DDR2: variants seen among roughly 807,000 people sequenced by gnomAD.
DDR2 encodes discoidin domain-containing receptor 2.
DDR2 carries 27 observed loss-of-function variants against 94.9 expected under a neutral mutation model. The observed-to-expected ratio is 0.28, with a 90% confidence interval of 0.21 to 0.39. The LOEUF is 0.39. DDR2 is among the 10% of genes least tolerant of loss of function. The pLI is 1.00. For synonymous variants in DDR2, 382 were observed against 377.2 expected (o/e 1.01, Z -0.15); for missense variants, 783 against 1,076.0 (o/e 0.73, Z 3.81).
intron 2 of DDR2, among the ~76,000 whole-genome samples, chr1:162,688,333 C>G (rs548885220): frequency 3.3e-5 from 5 of 152,340 alleles, no homozygotes; most frequent in African/African-American, 9.6e-5. Context: ...TGCTGCATGC[C>G]TGCTATTTTC....
At chr1:162,714,676 T>C (rs1661078570) in intron 2 of DDR2, among the ~76,000 whole-genome samples, 1 of 152,202 alleles carries the variant, frequency 6.6e-6, no homozygotes, top group African/African-American at 2.4e-5. Flanking sequence ...CATTACTCTA[T>C]TTTATTTTCT....
Position 162,755,766 on chromosome 1 carries a change from A to G in DDR2, c.668A>G (p.Tyr223Cys). 1 of 1,613,894 alleles carries G rather than the reference A, an allele frequency of 6.2e-7. No individual in the cohort carries two copies. Among genetic ancestry groups the G allele is most frequent in the South Asian group, 1.1e-5 (1 of 91,084 alleles). The change falls in exon 7 of 18, where the codon TAC becomes TGC. Residue 223 changes from tyrosine (Y) to cysteine (C), a missense_variant. Transcript: ENST00000367921. ...TCTGTCTATGATGGAGCTGTTGGATACAGGTAAATCCTGGGAAACTTTATT... is the reference window on the plus strand; with the variant it reads ...TCTGTCTATGATGGAGCTGTTGGATGCAGGTAAATCCTGGGAAACTTTATT... The part of the protein sequence containing the change: ...NDSVYDGAVG[Y>C]SMTEGLGQLT...
chr1:162,676,229 C>G (rs1659114153), intron 2 of DDR2, among the ~76,000 whole-genome samples: 1 of 151,988 alleles, frequency 6.6e-6, no homozygotes, highest in African/African-American at 2.4e-5. Context: ...TGCCTTACTC[C>G]TGGTCACATG....
At position 162,754,587 on chromosome 1, in the gene DDR2, T is replaced by C. The variant is rs768983442; in HGVS notation, c.186-37T>C. 5.0e-6 allele frequency: 8 copies of C among 1,602,740 alleles called. No individual in the cohort carries two copies. In the South Asian group the frequency reaches 8.8e-5, roughly 18 times the overall value. On this transcript the variant is annotated intron_variant, in intron 4 of 17. Transcript: ENST00000367921. ...ACCAGTAAACAGCTCTGTGGTTTCA[T>C]GGTTGCTCCCTCTCTCCCCAACCCT...
rs12062700 is a variant in DDR2, at chr1:162,687,777, T to C, written c.-27-31260T>C. Among the ~76,000 whole-genome samples the C allele has an allele frequency of 5.7e-3, 867 of 152,246 alleles. 10 individuals carry two copies. The highest frequency in any genetic ancestry group is 0.019 in the African/African-American group (786 of 41,556). On this transcript the variant is annotated intron_variant, in intron 2 of 17. Transcript: ENST00000367921. The stretch of plus-strand genomic sequence containing the variant: ...GCTGAATTTCAAGACACTGACATCA[T>C]CAGTACTGGCCCTAGTGCAGTTACA...
chr1:162,711,491 T>C (rs73024563), intron 2 of DDR2, among the ~76,000 whole-genome samples: 213 of 152,328 alleles, frequency 1.4e-3, no homozygotes, highest in African/African-American at 4.8e-3. Context: ...TAGTTCTGCT[T>C]CAGAGAAAAA....
In DDR2 at chr1:162,652,081, T is replaced by G. The variant is rs531063340; in HGVS notation, c.-191-3130T>G. 2.0e-5 allele frequency among the ~76,000 whole-genome samples: 3 copies of G among 152,342 alleles called. 1 individual carries two copies. In the South Asian group the frequency reaches 6.2e-4, roughly 32 times the overall value. ...CACTTTGGCATAAGACAGACTTGGTTTGGAATTCTGACTCTGCCCTTGTTG... is the reference window on the plus strand; with the variant it reads ...CACTTTGGCATAAGACAGACTTGGTGTGGAATTCTGACTCTGCCCTTGTTG... On this transcript the variant is annotated intron_variant, in intron 1 of 17. Transcript: ENST00000367921.
intron 12 of DDR2, 114 bp downstream of exon 12, chr1:162,770,626 C>A: frequency 9.7e-7 from 1 of 1,033,044 alleles, no homozygotes; most frequent in Non-Finnish European, 1.5e-6. Flanking sequence ...TGCTAACCTC[C>A]TGAGAAGTCC....
At chr1:162,645,071 A>C (rs1382756457) in intron 1 of DDR2, among the ~76,000 whole-genome samples, 2 of 152,170 alleles carry the variant, frequency 1.3e-5, no homozygotes, top group African/African-American at 4.8e-5. Flanking sequence ...CAAGGGCCTT[A>C]TGGAACAGGC....
chr1:162,770,380 C>T lies in DDR2; in HGVS notation c.1372C>T (p.Arg458Cys), dbSNP rs1193186486. 8.1e-6 allele frequency: 13 copies of T among 1,614,022 alleles called. No homozygotes were observed. Among genetic ancestry groups the T allele is most frequent in the Non-Finnish European group, 1.1e-5 (13 of 1,180,002 alleles). Residue 458 changes from arginine (R) to cysteine (C), a missense_variant, in exon 12 of 18, where the codon CGC (arginine) becomes TGC (cysteine). Physicochemically the swap from Arg to Cys is radical, Grantham distance 180 (BLOSUM62 -3). Around this residue, in one of 2 missense-constraint regions of DDR2, gnomAD observed 519 missense variants for 647.9 expected, o/e 0.80. Transcript: ENST00000367921. ...PSDSSMFNNNRSSSPSEQGSN... is the reference protein window; with the variant it reads ...PSDSSMFNNNCSSSPSEQGSN... Reference sequence around the variant, plus strand: ...TGATTCTAGCATGTTCAACAATAACCGCTCCTCATCACCTAGTGAACAAGG... The same window carrying T: ...TGATTCTAGCATGTTCAACAATAACTGCTCCTCATCACCTAGTGAACAAGG...
chr1:162,754,836 G>A lies in DDR2; in HGVS notation c.398G>A (p.Arg133Gln), dbSNP rs879065950. Reference sequence around the variant, plus strand: ...GATGGCACTCGCTGGATCTCTTGGCGGAACCGTCATGGGAAACAGGTAGGA... The same window carrying A: ...GATGGCACTCGCTGGATCTCTTGGCAGAACCGTCATGGGAAACAGGTAGGA... The part of the protein sequence containing the change: ...SRDGTRWISW[R>Q]NRHGKQVLDG... Residue 133 changes from arginine (R) to glutamine (Q), a missense_variant, in exon 5 of 18, where the codon CGG becomes CAG. Arg to Gln is a conservative substitution (Grantham distance 43, BLOSUM62 1). Around this residue, in one of 2 missense-constraint regions of DDR2, gnomAD observed 519 missense variants for 647.9 expected, o/e 0.80. Coordinates refer to ENST00000367921, the MANE Select transcript of DDR2 (RefSeq NM_006182.4). 16 of 1,613,904 alleles carry A rather than the reference G, an allele frequency of 9.9e-6. No homozygotes were observed. Among genetic ancestry groups the A allele is most frequent in the East Asian group, 6.7e-5 (3 of 44,872 alleles).
intron 2 of DDR2, among the ~76,000 whole-genome samples, chr1:162,670,190 G>A (rs1411204214): frequency 2.6e-5 from 4 of 152,030 alleles, no homozygotes; most frequent in African/African-American, 4.8e-5. Context: ...AGCTCACTGC[G>A]ACCTCTGCCT....
At chr1:162,728,348 G>A (rs1374929731) in intron 3 of DDR2, among the ~76,000 whole-genome samples, 1 of 151,680 alleles carries the variant, frequency 6.6e-6, no homozygotes, top group Non-Finnish European at 1.5e-5. Flanking sequence ...ATGAGAGTTA[G>A]CTGGAGCTGA....
intron 2 of DDR2, among the ~76,000 whole-genome samples, chr1:162,666,648 A>G (rs1039995908): frequency 2.6e-5 from 4 of 152,200 alleles, no homozygotes; most frequent in African/African-American, 9.6e-5. Context: ...CATCTGGCAC[A>G]TGGTTGCAGC....
Position 162,783,638 on chromosome 1 carries a change from G to T in DDR2, c.*3392G>T, listed in dbSNP as rs1057442. 6.6e-6 allele frequency: 1 copy of T among 152,178 alleles called. No homozygotes were observed. Among genetic ancestry groups the T allele is most frequent in the Non-Finnish European group, 1.5e-5 (1 of 68,038 alleles). 9.4% of individuals were successfully genotyped at this position (152,178 alleles called of 1,614,324 possible). ...TAAAAGATAAATATGGATGGAGAAA[G>T]AAGAAATTCTGGATGATAGAGATGA... is the stretch of plus-strand genomic sequence containing the variant. On this transcript the variant is annotated 3_prime_UTR_variant, in exon 18 of 18. Coordinates refer to ENST00000367921, the MANE Select transcript of DDR2 (RefSeq NM_006182.4).
intron 10 of DDR2, among the ~76,000 whole-genome samples, chr1:162,766,324 G>A (rs752809710): frequency 2.0e-5 from 3 of 152,162 alleles, no homozygotes; most frequent in Non-Finnish European, 4.4e-5. Context: ...TTGGGAATTT[G>A]GGGTCAGAAA....
intron 1 of DDR2, among the ~76,000 whole-genome samples, chr1:162,650,458 G>A (rs1657632298): frequency 6.6e-6 from 1 of 151,898 alleles, no homozygotes; most frequent in Admixed American, 6.6e-5. Context: ...TAGCAGGGTA[G>A]GGTGGTGCGC....
At chr1:162,674,094 A>G (rs1286650594) in intron 2 of DDR2, among the ~76,000 whole-genome samples, 2 of 152,168 alleles carry the variant, frequency 1.3e-5, no homozygotes, top group Non-Finnish European at 2.9e-5. Flanking sequence ...TTTACAGATA[A>G]TTTAAGCTTG....
rs1558078519 is a variant in DDR2, at chr1:162,772,092, G to A, written c.1573G>A (p.Asp525Asn). Reference sequence around the variant, plus strand: ...GGGGGTGCCCCACTATGCAGAGGCTGACATAGTGAACCTCCAAGGAGTGAC... The same window carrying A: ...GGGGGTGCCCCACTATGCAGAGGCTAACATAGTGAACCTCCAAGGAGTGAC... ...PEGVPHYAEA[D>N]IVNLQGVTGG... Residue 525 changes from aspartate (D) to asparagine (N), a missense_variant, in exon 13 of 18, where the codon GAC becomes AAC. By Grantham distance (23) the Asp-to-Asn change is conservative (BLOSUM62 1). This residue lies in a region of DDR2 where 264 missense variants were observed against 428.2 expected (regional missense o/e 0.62). Transcript: ENST00000367921. 2.5e-6 allele frequency: 4 copies of A among 1,614,058 alleles called. No homozygotes were observed.
Sources: allele counts gnomAD v4.1 joint callset (sites outside exome capture counted in the v4.1 genomes callset), GRCh38; gene constraint gnomAD v4.1.1; regional missense constraint gnomAD v4.1.1; transcripts MANE v1.5; gene names NCBI Gene and HGNC (gene_info 2026-07-23, HGNC 2026-07-21).